THRB: variants seen among roughly 807,000 people sequenced by gnomAD.
THRB encodes thyroid hormone receptor beta.
A neutral mutation model predicts 47.8 loss-of-function variants in THRB; 12 were observed. The observed-to-expected ratio is 0.25, with a 90% CI of 0.16 to 0.41. The LOEUF (loss-of-function observed/expected upper bound fraction) is 0.41, where lower values mean the gene tolerates loss of function less well. Among genes scored for constraint, THRB ranks in the 10% least tolerant of loss-of-function variants. THRB has a pLI of 1.00. For missense variants in THRB, 348 were observed against 589.2 expected (o/e 0.59, Z 4.24); for synonymous variants, 218 against 212.2 (o/e 1.03, Z -0.24).
intron 1 of THRB, among the ~76,000 whole-genome samples, chr3:24,376,469 G>A (rs6774046): frequency 1.3e-5 from 2 of 152,158 alleles, no homozygotes; most frequent in African/African-American, 4.8e-5. Context: ...ACATGTATAG[G>A]GGGTTTCTTG....
chr3:24,297,400 G>C (rs2056536645), intron 2 of THRB, 29 bp from the exon 3 acceptor site: 1 of 152,172 alleles, frequency 6.6e-6, no homozygotes, highest in Non-Finnish European at 1.5e-5. Flanking sequence ...GCATTATTGT[G>C]ATCATCTATT....
intron 1 of THRB, among the ~76,000 whole-genome samples, chr3:24,375,390 AT>A (rs1275302910): frequency 7.2e-6 from 1 of 138,058 alleles, no homozygotes; most frequent in Non-Finnish European, 1.6e-5. Flanking sequence ...ATATTAATAT[AT>A]TATAGTTAGA....
At chr3:24,443,541 G>C (rs2071759550) in intron 1 of THRB, among the ~76,000 whole-genome samples, 1 of 152,052 alleles carries the variant, frequency 6.6e-6, no homozygotes, top group Non-Finnish European at 1.5e-5. Context: ...CAAATCATTA[G>C]GAAAATTGAT....
Position 24,143,724 on chromosome 3 carries a change from A to T in THRB, c.533-18T>A. On this transcript the variant is annotated intron_variant, in intron 7 of 10. Transcript: ENST00000646209. ...CAGCACCACTGGGAGGGGGAGAAAGATGAGACAAGGCACACAGATGCTCCC... is the reference window on the plus strand; with the variant it reads ...CAGCACCACTGGGAGGGGGAGAAAGTTGAGACAAGGCACACAGATGCTCCC... 6.2e-7 allele frequency: 1 copy of T among 1,613,730 alleles called. No individual in the cohort carries two copies. The highest frequency in any genetic ancestry group is 8.5e-7 in the Non-Finnish European group (1 of 1,179,708).
intron 1 of THRB, among the ~76,000 whole-genome samples, chr3:24,425,512 A>C (rs1221441138): frequency 6.6e-6 from 1 of 151,976 alleles, no homozygotes; most frequent in Non-Finnish European, 1.5e-5. Flanking sequence ...GGAGGTAAGA[A>C]AAATATCATA....
chr3:24,209,277 C>G (rs920011792), intron 4 of THRB, among the ~76,000 whole-genome samples: 3 of 152,146 alleles, frequency 2.0e-5, no homozygotes, highest in Non-Finnish European at 4.4e-5. Context: ...GACAGTGTGG[C>G]GATTCCTCAA....
At chr3:24,187,345 AC>A (rs1268453667) in intron 5 of THRB, among the ~76,000 whole-genome samples, 2 of 152,224 alleles carry the variant, frequency 1.3e-5, no homozygotes, top group African/African-American at 2.4e-5. Context: ...TCCCCAAACC[AC>A]GCTTAGAAGT....
Position 24,122,642 on chromosome 3 carries a change from C to A in THRB, c.*242G>T. 1 of 551,504 alleles carries A rather than the reference C, an allele frequency of 1.8e-6. No homozygotes were observed. Among genetic ancestry groups the A allele is most frequent in the Non-Finnish European group, 3.2e-6 (1 of 309,270 alleles). The allele number at this position is 551,504 out of a possible 1,614,324, so 34.2% of individuals were successfully genotyped here. ...GGTGAGTTAATGATTGTCCCCCACC[C>A]CACCTCCACAACCATAAAACCTTCA... On this transcript the variant is annotated 3_prime_UTR_variant, in exon 11 of 11. Coordinates refer to ENST00000646209, the MANE Select transcript of THRB (RefSeq NM_001354712.2).
intron 1 of THRB, among the ~76,000 whole-genome samples, chr3:24,446,278 T>C (rs1177311656): frequency 6.6e-6 from 1 of 152,108 alleles, no homozygotes; most frequent in African/African-American, 2.4e-5. Flanking sequence ...ATCAGCCACC[T>C]TGGCCTCTGA....
chr3:24,485,760 G>C lies in THRB; in HGVS notation c.-261+8892C>G, dbSNP rs572172416. ...TCATAGGCATATCATATTTATTTCT[G>C]CCTAGAACCCTCCCACCCCTATGGG... On this transcript the variant is annotated intron_variant, in intron 1 of 10. Coordinates refer to ENST00000646209, the MANE Select transcript of THRB (RefSeq NM_001354712.2). Among the ~76,000 whole-genome samples the C allele has an allele frequency of 9.2e-5, 14 of 152,094 alleles. No homozygotes were observed. The South Asian group carries it at 2.5e-3, about 27-fold the overall frequency.
chr3:24,272,034 T>A (rs1471952025), intron 3 of THRB, among the ~76,000 whole-genome samples: 2 of 152,170 alleles, frequency 1.3e-5, no homozygotes, highest in Non-Finnish European at 2.9e-5. Flanking sequence ...ATGGATAGGA[T>A]TGCGGACAAT....
At chr3:24,269,599 ATTTTTTTTT>A (rs10575669) in intron 3 of THRB, among the ~76,000 whole-genome samples, 3 of 134,286 alleles carry the variant, frequency 2.2e-5, no homozygotes, top group Non-Finnish European at 3.2e-5. Context: ...ATAATTTTTA[ATTTTTTTTT>A]TTTTTTTTGT....
chr3:24,397,075 AC>A (rs1234468980), intron 1 of THRB, among the ~76,000 whole-genome samples: 2 of 152,110 alleles, frequency 1.3e-5, no homozygotes, highest in Non-Finnish European at 2.9e-5. Flanking sequence ...AACAATTAGA[AC>A]TCAGCATAGA....
intron 1 of THRB, among the ~76,000 whole-genome samples, chr3:24,401,927 G>T (rs1025575631): frequency 3.9e-5 from 6 of 152,060 alleles, no homozygotes; most frequent in African/African-American, 1.4e-4. Context: ...CCAGGTGTTA[G>T]AGAAGAAAGA....
At chr3:24,467,714 T>A (rs1246991556) in intron 1 of THRB, among the ~76,000 whole-genome samples, 2 of 152,230 alleles carry the variant, frequency 1.3e-5, no homozygotes, top group Non-Finnish European at 2.9e-5. Context: ...GCTTAAAATA[T>A]TCAGCAAACT....
chr3:24,204,956 AAG>A (rs1334709586), intron 4 of THRB, among the ~76,000 whole-genome samples: 3 of 152,192 alleles, frequency 2.0e-5, no homozygotes, highest in Admixed American at 6.5e-5. Flanking sequence ...TTAGAGAAAA[AAG>A]AGTAAAAAGA....
At chr3:24,195,087 A>G (rs2043803627) in intron 4 of THRB, among the ~76,000 whole-genome samples, 1 of 152,170 alleles carries the variant, frequency 6.6e-6, no homozygotes, top group African/African-American at 2.4e-5. Flanking sequence ...GAAGCCTCAA[A>G]TTTCCATTTT....
intron 8 of THRB, 68 bp from the exon 9 acceptor site, chr3:24,133,530 A>C: frequency 2.1e-6 from 3 of 1,448,414 alleles, no homozygotes; most frequent in Non-Finnish European, 2.9e-6. Context: ...CATAGTTCTT[A>C]TGTGGCAGAA....
At chr3:24,406,429 C>T (rs2067832503) in intron 1 of THRB, among the ~76,000 whole-genome samples, 1 of 151,622 alleles carries the variant, frequency 6.6e-6, no homozygotes, top group African/African-American at 2.4e-5. Flanking sequence ...TCTATTGTAA[C>T]AGCAGATTTC....
Sources: allele counts gnomAD v4.1 joint callset (sites outside exome capture counted in the v4.1 genomes callset), GRCh38; gene constraint gnomAD v4.1.1; transcripts MANE v1.5; gene names NCBI Gene and HGNC (gene_info 2026-07-23, HGNC 2026-07-21).